ITFG1: variants seen among roughly 807,000 people sequenced by gnomAD.
The protein encoded by ITFG1 is integrin alpha FG-GAP repeat containing 1.
ITFG1 carries 34 observed loss-of-function variants against 81.8 expected under a neutral mutation model. The ratio of observed to expected loss-of-function variants is 0.42; its 90% confidence interval spans 0.32 to 0.55. The LOEUF (loss-of-function observed/expected upper bound fraction) is 0.55. Among genes scored for constraint, ITFG1 ranks in the 20% least tolerant of loss-of-function variants. ITFG1 has a pLI of 0.17. For synonymous variants in ITFG1, 285 were observed against 270.6 expected (o/e 1.05, Z -0.52); for missense variants, 672 against 755.4 (o/e 0.89, Z 1.29).
In ITFG1 at chr16:47,460,838, T is replaced by C; in HGVS notation, c.208A>G (p.Arg70Gly). 1 of 1,613,222 alleles carries C rather than the reference T, an allele frequency of 6.2e-7. No homozygotes were observed. Among genetic ancestry groups the C allele is most frequent in the Non-Finnish European group, 8.5e-7 (1 of 1,179,854 alleles). Residue 70 changes from arginine to glycine, a missense_variant and splice_region_variant, in exon 1 of 18, where the codon AGA becomes GGA. Around this residue, in one of 3 missense-constraint regions of ITFG1, gnomAD observed 560 missense variants for 625.7 expected, o/e 0.90. Transcript: ENST00000320640. ...GAGGGAGGGCCCGGCAAGCACTGAC[T>C]TTCCCGCAGCACGAAGAGATCCGTC... ...KQTDLFVLRE[R>G]NDLIVFLADQ...
intron 8 of ITFG1, among the ~76,000 whole-genome samples, chr16:47,349,062 A>G (rs1267036868): frequency 1.3e-5 from 2 of 152,220 alleles, no homozygotes; most frequent in African/African-American, 2.4e-5. Flanking sequence ...TGAAGGAAGC[A>G]CTAAACATGG....
chr16:47,377,392 T>C (rs1350285153), intron 6 of ITFG1, among the ~76,000 whole-genome samples: 2 of 152,094 alleles, frequency 1.3e-5, no homozygotes, highest in Non-Finnish European at 2.9e-5. Flanking sequence ...AGTCATTTGA[T>C]CTCATTCCTT....
intron 6 of ITFG1, among the ~76,000 whole-genome samples, chr16:47,387,714 A>G (rs1330688039): frequency 6.6e-6 from 1 of 152,218 alleles, no homozygotes; most frequent in African/African-American, 2.4e-5. Context: ...TTGGCTTTTG[A>G]GCCAAATTTC....
chr16:47,324,515 T>C (rs1209730605), intron 8 of ITFG1, among the ~76,000 whole-genome samples: 1 of 152,218 alleles, frequency 6.6e-6, no homozygotes, highest in East Asian at 1.9e-4. Context: ...ATGGGTTAAA[T>C]GCTCCAATTA....
intron 6 of ITFG1, among the ~76,000 whole-genome samples, chr16:47,385,340 T>C (rs1175993448): frequency 6.6e-6 from 1 of 152,178 alleles, no homozygotes; most frequent in Non-Finnish European, 1.5e-5. Flanking sequence ...CTAAATACAC[T>C]TAACAATTAT....
chr16:47,274,590 T>G (rs922918594), intron 10 of ITFG1, among the ~76,000 whole-genome samples: 1 of 152,178 alleles, frequency 6.6e-6, no homozygotes, highest in African/African-American at 2.4e-5. Context: ...AGTGACCCAA[T>G]TGAAGATTTA....
In ITFG1 at chr16:47,190,876, T is replaced by C. The variant is rs746468256; in HGVS notation, c.1453+27992A>G. ...GCAGCTACACTCAGCTGGTGTTACC[T>C]GGGGTTGGGGTTTGGTGGGATGACT... On this transcript the variant is annotated intron_variant, in intron 14 of 17. Coordinates refer to ENST00000320640, the MANE Select transcript of ITFG1 (RefSeq NM_030790.5). Among the ~76,000 whole-genome samples the C allele has an allele frequency of 1.2e-4, 19 of 152,322 alleles. No individual in the cohort carries two copies. In the East Asian group the frequency reaches 3.1e-3, roughly 25 times the overall value.
intron 8 of ITFG1, among the ~76,000 whole-genome samples, chr16:47,319,423 T>TC (rs1486110960): frequency 1.3e-5 from 2 of 152,208 alleles, no homozygotes; most frequent in African/African-American, 4.8e-5. Flanking sequence ...GTAGCTTGTC[T>TC]GTCAAGTTGT....
rs1421677013 is a variant in ITFG1, at chr16:47,208,657, G to A, written c.1453+10211C>T. ...TTGGTGGTAATCAATAAAACTTCTAGTGTGACTCCATGTTTCTCCTGTTTG... is the reference window on the plus strand; with the variant it reads ...TTGGTGGTAATCAATAAAACTTCTAATGTGACTCCATGTTTCTCCTGTTTG... On this transcript the variant is annotated intron_variant, in intron 14 of 17. Coordinates refer to ENST00000320640, the MANE Select transcript of ITFG1 (RefSeq NM_030790.5). 2.0e-5 allele frequency among the ~76,000 whole-genome samples: 3 copies of A among 152,188 alleles called. No individual in the cohort carries two copies. In the East Asian group the frequency reaches 5.8e-4, roughly 29 times the overall value.
chr16:47,212,106 T>C (rs1468819145), intron 14 of ITFG1, among the ~76,000 whole-genome samples: 1 of 152,126 alleles, frequency 6.6e-6, no homozygotes, highest in Admixed American at 6.6e-5. Flanking sequence ...ACTATCTGTC[T>C]ACAGGGATTT....
intron 10 of ITFG1, among the ~76,000 whole-genome samples, chr16:47,285,762 AATTAT>A (rs2151552217): frequency 6.6e-6 from 1 of 152,328 alleles, no homozygotes; most frequent in East Asian, 1.9e-4. Flanking sequence ...TTTCCTACAC[AATTAT>A]ATTACATAAG....
chr16:47,458,597 G>T (rs184059963), intron 2 of ITFG1, among the ~76,000 whole-genome samples: 1 of 152,206 alleles, frequency 6.6e-6, no homozygotes, highest in East Asian at 1.9e-4. Context: ...CCACAGAAAA[G>T]AAAAATAACT....
intron 5 of ITFG1, among the ~76,000 whole-genome samples, chr16:47,430,267 T>C (rs970942782): frequency 2.6e-5 from 4 of 151,790 alleles, no homozygotes; most frequent in African/African-American, 7.3e-5. Context: ...GGTTTCACCA[T>C]GTTGGCCAGA....
At chr16:47,357,056 A>G (rs1968048942) in intron 8 of ITFG1, among the ~76,000 whole-genome samples, 1 of 152,154 alleles carries the variant, frequency 6.6e-6, no homozygotes, top group Admixed American at 6.5e-5. Flanking sequence ...AAAAAAAAGA[A>G]AGAGCTATGC....
intron 10 of ITFG1, among the ~76,000 whole-genome samples, chr16:47,287,504 G>A (rs530440197): frequency 1.3e-5 from 2 of 152,102 alleles, no homozygotes; most frequent in South Asian, 2.1e-4. Flanking sequence ...GGGCTCAAGC[G>A]ATCCTCCTGC....
At chr16:47,331,805 T>C (rs1262296172) in intron 8 of ITFG1, among the ~76,000 whole-genome samples, 1 of 152,180 alleles carries the variant, frequency 6.6e-6, no homozygotes, top group African/African-American at 2.4e-5. Flanking sequence ...TAGGTGTTGT[T>C]AGTAATTTTT....
Position 47,270,921 on chromosome 16 carries a change from C to T in ITFG1, c.1071-10226G>A, listed in dbSNP as rs577952915. The stretch of plus-strand genomic sequence containing the variant: ...TGGGATGGGGAAAGTGCTGATTACA[C>T]AGGGTTAAGAGGAAACTTTTGTGAG... On this transcript the variant is annotated intron_variant, in intron 10 of 17. Transcript: ENST00000320640. Among the ~76,000 whole-genome samples, 15 of 152,220 alleles carry T rather than the reference C, an allele frequency of 9.9e-5. No homozygotes were observed. The South Asian group carries it at 2.9e-3, about 29-fold the overall frequency.
At chr16:47,338,431 A>T (rs1428317989) in intron 8 of ITFG1, among the ~76,000 whole-genome samples, 1 of 152,118 alleles carries the variant, frequency 6.6e-6, no homozygotes, top group Admixed American at 6.5e-5. Context: ...ACAAAAAAAA[A>T]TGGCATTATA....
At chr16:47,220,695 A>C (rs1383060882) in intron 13 of ITFG1, among the ~76,000 whole-genome samples, 1 of 152,250 alleles carries the variant, frequency 6.6e-6, no homozygotes, top group Non-Finnish European at 1.5e-5. Context: ...CAAAATTTCC[A>C]AAATGACCAA....
Sources: allele counts gnomAD v4.1 joint callset (sites outside exome capture counted in the v4.1 genomes callset), GRCh38; gene constraint gnomAD v4.1.1; regional missense constraint gnomAD v4.1.1; transcripts MANE v1.5; gene names NCBI Gene and HGNC (gene_info 2026-07-23, HGNC 2026-07-21).